TRIP13: variants seen among roughly 807,000 people sequenced by gnomAD.
The protein encoded by TRIP13 is thyroid hormone receptor interactor 13, also known as pachytene checkpoint protein 2 homolog.
A neutral mutation model predicts 54.4 loss-of-function variants in TRIP13; 25 were observed. That is an observed-to-expected ratio of 0.46 (90% confidence interval 0.33 to 0.64). TRIP13 has a LOEUF of 0.64. Among genes scored for constraint, TRIP13 ranks in the 30% least tolerant of loss-of-function variants. The probability of loss-of-function intolerance (pLI) is 0.02; values close to 1 mark genes in which losing one functional copy is unlikely to be tolerated. For missense variants in TRIP13, 373 were observed against 534.2 expected (o/e 0.70, Z 2.97); for synonymous variants, 207 against 207.8 (o/e 1.00, Z 0.03).
rs1413820429 is a variant in TRIP13, at chr5:917,384, G to A, written c.*281G>A. ...TGTGAAGAACCATCGAAACCTGTTT[G>A]TTCCCAGCCCACCCCCAGTGGATGG... On this transcript the variant is annotated 3_prime_UTR_variant, in exon 13 of 13. Coordinates refer to ENST00000166345, the MANE Select transcript of TRIP13 (RefSeq NM_004237.4). 3.2e-6 allele frequency: 1 copy of A among 312,812 alleles called. No individual in the cohort carries two copies. The highest frequency in any genetic ancestry group is 5.9e-6 in the Non-Finnish European group (1 of 169,548). 19.4% of individuals were successfully genotyped at this position (312,812 alleles called of 1,614,324 possible).
rs764654157 is a variant in TRIP13, at chr5:915,901, C to T, written c.1134-3C>T. The stretch of plus-strand genomic sequence containing the variant: ...GTCTCTGAACTGGGTTTTCTTTACA[C>T]AGGAAGAGCGAGGGCCTCAGCGGCC... On this transcript the variant is annotated splice_region_variant and splice_polypyrimidine_tract_variant and intron_variant, in intron 11 of 12. Coordinates refer to ENST00000166345, the MANE Select transcript of TRIP13 (RefSeq NM_004237.4). This position sits in a 1 kb window ranked among gnomAD's most constrained non-coding sequence, Gnocchi z 4.2. 1 of 1,614,092 alleles carries T rather than the reference C, an allele frequency of 6.2e-7. No individual in the cohort carries two copies. The highest frequency in any genetic ancestry group is 8.5e-7 in the Non-Finnish European group (1 of 1,179,970).
At chr5:901,967 G>A (rs1466489478) in intron 5 of TRIP13, among the ~76,000 whole-genome samples, 1 of 152,184 alleles carries the variant, frequency 6.6e-6, no homozygotes, top group Non-Finnish European at 1.5e-5. Context: ...CTTCCTGTGG[G>A]GGGCCACATT....
intron 4 of TRIP13, 94 bp from the exon 5 acceptor site, chr5:901,247 C>T: frequency 8.9e-7 from 1 of 1,128,524 alleles, no homozygotes; most frequent in East Asian, 2.4e-5. Context: ...GCTCCCTCTT[C>T]TCATGTAGGA....
rs1754222440 is a variant in TRIP13 at position 911,125 on chromosome 5, G to A, written c.867-718G>A. ...ACCAGACAACAGGGGCTCTCTCTAT[G>A]GAGTTTAGACGCTAGAGGGGAGAGC... On this transcript the variant is annotated intron_variant, in intron 9 of 12. Transcript: ENST00000166345. This position sits in a 1 kb window ranked among gnomAD's most constrained non-coding sequence, Gnocchi z 4.7. Among the ~76,000 whole-genome samples the A allele has an allele frequency of 1.3e-5, 2 of 152,234 alleles. No homozygotes were observed. The highest frequency in any genetic ancestry group is 1.5e-5 in the Non-Finnish European group (1 of 68,040).
At position 900,545 on chromosome 5, in the gene TRIP13, C is replaced by G. The variant is rs1422665808; in HGVS notation, c.440C>G (p.Ser147Cys). 1.2e-6 allele frequency: 2 copies of G among 1,611,068 alleles called. No individual in the cohort carries two copies. Among genetic ancestry groups the G allele is most frequent in the Non-Finnish European group, 1.7e-6 (2 of 1,179,312 alleles). The change falls in exon 4 of 13, where the codon TCC becomes TGC. Residue 147 changes from serine to cysteine, a missense_variant. Ser to Cys is a moderately radical substitution (Grantham distance 112, BLOSUM62 -1). This residue lies in a region of TRIP13 where 119 missense variants were observed against 223.0 expected (regional missense o/e 0.53). Transcript: ENST00000166345. ...DSLVYDVEVK[S>C]HLLDYVMTTL... ...TTGGTATACGATGTGGAAGTCAAAT[C>G]CCATGTAAGTTGCTGTGCCTTTTCC...
Position 912,046 on chromosome 5 carries a change from T to C in TRIP13, c.1020+50T>C, listed in dbSNP as rs980345375. ...TGATACAAATGGATTTCTTATATGT[T>C]CTTAATTAATTAAGATAGCTTAAAA... is the stretch of plus-strand genomic sequence containing the variant. On this transcript the variant is annotated intron_variant, in intron 10 of 12. Coordinates refer to ENST00000166345, the MANE Select transcript of TRIP13 (RefSeq NM_004237.4). The surrounding 1 kb of genome is among the most constrained non-coding windows in gnomAD (Gnocchi z 7.2). The C allele has an allele frequency of 6.4e-7, 1 of 1,574,326 alleles. No individual in the cohort carries two copies. Among genetic ancestry groups the C allele is most frequent in the Non-Finnish European group, 8.6e-7 (1 of 1,162,988 alleles).
At chr5:906,658 G>T (rs954448961) in intron 6 of TRIP13, among the ~76,000 whole-genome samples, 2 of 152,170 alleles carry the variant, frequency 1.3e-5, no homozygotes, top group Non-Finnish European at 2.9e-5. Flanking sequence ...CTTCTGAATG[G>T]ATAGAGGAGT....
Position 917,016 on chromosome 5 carries a change from C to A in TRIP13, c.1212C>A (p.Thr404=). The change falls in exon 13 of 13, where the codon ACC becomes ACA. Residue 404 remains threonine (T), a synonymous_variant. Transcript: ENST00000166345. ...GACCGTGTACCTTCTAGGCCCCCAC[C>A]GTCACCATAGAGGGGTTCCTCCAGG... ...LAHALYVQAP[T]VTIEGFLQAL... 2 of 1,613,756 alleles carry A rather than the reference C, an allele frequency of 1.2e-6. No individual in the cohort carries two copies. The highest frequency in any genetic ancestry group is 1.7e-6 in the Non-Finnish European group (2 of 1,179,862).
Position 915,327 on chromosome 5 carries a change from C to T in TRIP13, c.1134-577C>T, listed in dbSNP as rs532893406. Among the ~76,000 whole-genome samples, 11 of 152,230 alleles carry T rather than the reference C, an allele frequency of 7.2e-5. No individual in the cohort carries two copies. The highest frequency in any genetic ancestry group is 1.9e-4 in the African/African-American group (8 of 41,454). ...CATGTGCCCGCTGCATCGTGCCTTA[C>T]GCCTGGTGCTCCCAGGCAGGTGATG... is the stretch of plus-strand genomic sequence containing the variant. On this transcript the variant is annotated intron_variant, in intron 11 of 12. Transcript: ENST00000166345. The surrounding 1 kb of genome is among the most constrained non-coding windows in gnomAD (Gnocchi z 4.2).
intron 5 of TRIP13, among the ~76,000 whole-genome samples, 155 bp downstream of exon 5, chr5:901,586 C>T (rs1249134875): frequency 6.6e-6 from 1 of 152,022 alleles, no homozygotes; most frequent in African/African-American, 2.4e-5. Flanking sequence ...AGATCCAGCT[C>T]ATGACACTTG....
In TRIP13 at chr5:908,511, C is replaced by T. The variant is rs1754164404; in HGVS notation, c.866+50C>T. ...CCCTGAGAAGTGATGAGAAGTTTGT[C>T]CCAAAGAAATGCGTGATACTTGTGC... On this transcript the variant is annotated intron_variant, in intron 9 of 12. Transcript: ENST00000166345. The surrounding 1 kb of genome is among the most constrained non-coding windows in gnomAD (Gnocchi z 5.2). 1 of 1,606,896 alleles carries T rather than the reference C, an allele frequency of 6.2e-7. No homozygotes were observed. Among genetic ancestry groups the T allele is most frequent in the South Asian group, 1.1e-5 (1 of 90,924 alleles).
chr5:901,601 A>AT lies in TRIP13; in HGVS notation c.535+176dup, dbSNP rs1469232706. 2.7e-5 allele frequency among the ~76,000 whole-genome samples: 4 copies of AT among 150,686 alleles called. No homozygotes were observed. The East Asian group carries it at 5.8e-4, about 22-fold the overall frequency. On this transcript the variant is annotated intron_variant, in intron 5 of 12. Transcript: ENST00000166345. Reference sequence around the variant, plus strand: ...AGATCCAGCTCATGACACTTGGGACATTTTTTGTTTGTTTGTTTGTTTTTG... The same window carrying AT: ...AGATCCAGCTCATGACACTTGGGACATTTTTTTGTTTGTTTGTTTGTTTTTG...
rs569150518 is a variant in TRIP13, at chr5:907,741, C to T, written c.673-247C>T. On this transcript the variant is annotated intron_variant, in intron 7 of 12. Coordinates refer to ENST00000166345, the MANE Select transcript of TRIP13 (RefSeq NM_004237.4). The surrounding 1 kb of genome is among the most constrained non-coding windows in gnomAD (Gnocchi z 4.1). The stretch of plus-strand genomic sequence containing the variant: ...GAGGTACAGGTCACCCTCACTGTGC[C>T]GCCCCGGGCAGGTCAGGTGTGGTCT... Among the ~76,000 whole-genome samples, 1 of 152,338 alleles carries T rather than the reference C, an allele frequency of 6.6e-6. No homozygotes were observed. The highest frequency in any genetic ancestry group is 2.4e-5 in the African/African-American group (1 of 41,578).
At position 908,529 on chromosome 5, in the gene TRIP13, A is replaced by G. The variant is rs1488717923; in HGVS notation, c.866+68A>G. 32 of 1,597,852 alleles carry G rather than the reference A, an allele frequency of 2.0e-5. No homozygotes were observed. Among genetic ancestry groups the G allele is most frequent in the Non-Finnish European group, 2.7e-5 (32 of 1,173,772 alleles). ...AGTTTGTCCCAAAGAAATGCGTGAT[A>G]CTTGTGCAACCCTAGATCTTAGTGC... On this transcript the variant is annotated intron_variant, in intron 9 of 12. Coordinates refer to ENST00000166345, the MANE Select transcript of TRIP13 (RefSeq NM_004237.4). The surrounding 1 kb of genome is among the most constrained non-coding windows in gnomAD (Gnocchi z 5.2).
intron 1 of TRIP13, among the ~76,000 whole-genome samples, chr5:894,127 T>A (rs1262166318): frequency 6.6e-6 from 1 of 152,130 alleles, no homozygotes; most frequent in Non-Finnish European, 1.5e-5. Context: ...AGGGGCCACA[T>A]GTCACCTGCC....
chr5:902,565 C>A (rs778506472), intron 5 of TRIP13, among the ~76,000 whole-genome samples: 19 of 152,310 alleles, frequency 1.2e-4, no homozygotes, highest in South Asian at 2.1e-4. Flanking sequence ...GGTCACCTCG[C>A]AGCTTCTGTG....
Position 907,968 on chromosome 5 carries a change from A to C in TRIP13, c.673-20A>C, listed in dbSNP as rs1177423499. The C allele has an allele frequency of 1.9e-6, 3 of 1,613,788 alleles. No homozygotes were observed. In the African/African-American group the frequency reaches 4.0e-5, roughly 22 times the overall value. ...GTGTGGTCCCTGCACGTTGACACTA[A>C]AAGGGTGTTTGGGTTCCAGAGTGGC... is the stretch of plus-strand genomic sequence containing the variant. On this transcript the variant is annotated intron_variant, in intron 7 of 12. Coordinates refer to ENST00000166345, the MANE Select transcript of TRIP13 (RefSeq NM_004237.4). The surrounding 1 kb of genome is among the most constrained non-coding windows in gnomAD (Gnocchi z 4.1).
At position 917,126 on chromosome 5, in the gene TRIP13, C is replaced by A; in HGVS notation, c.*23C>A. ...TGATCCTGGGCTTCCCCATCTGGTG[C>A]TTTTCCCATGGAGAACACACAACCA... On this transcript the variant is annotated 3_prime_UTR_variant, in exon 13 of 13. Transcript: ENST00000166345. 1 of 1,611,526 alleles carries A rather than the reference C, an allele frequency of 6.2e-7. No individual in the cohort carries two copies.
In TRIP13 at chr5:917,052, G is replaced by A; in HGVS notation, c.1248G>A (p.Leu416=). 1 of 1,614,020 alleles carries A rather than the reference G, an allele frequency of 6.2e-7. No homozygotes were observed. Among genetic ancestry groups the A allele is most frequent in the Non-Finnish European group, 8.5e-7 (1 of 1,179,982 alleles). Residue 416 remains leucine (L), a synonymous_variant, in exon 13 of 13, where the codon CTG becomes CTA. Transcript: ENST00000166345. The stretch of plus-strand genomic sequence containing the variant: ...AGGGGTTCCTCCAGGCCCTGTCTCT[G>A]GCAGTGGACAAGCAGTTTGAAGAGA... The part of the protein sequence containing the change: ...TIEGFLQALS[L]AVDKQFEERK...
Sources: gnomAD v4.1 joint callset for allele counts (sites outside exome capture counted in the v4.1 genomes callset) on GRCh38, gnomAD v4.1.1 for gene constraint, gnomAD v4.1.1 regional missense constraint, Gnocchi (gnomAD v3.1) non-coding constraint, MANE v1.5 for transcripts, NCBI Gene and HGNC (gene_info 2026-07-23, HGNC 2026-07-21) for gene names.